PTBP2: variants seen among roughly 807,000 people sequenced by gnomAD.
The protein encoded by PTBP2 is polypyrimidine tract binding protein 2.
Under a neutral mutation model 61.4 loss-of-function variants are expected in PTBP2, and 13 were observed. That is an observed-to-expected ratio of 0.21 (90% CI 0.14 to 0.34). The LOEUF (loss-of-function observed/expected upper bound fraction) is 0.34. PTBP2 is among the 10% of genes least tolerant of loss of function. The pLI is 1.00. For missense variants in PTBP2, 405 were observed against 642.6 expected (o/e 0.63, Z 4.00); for synonymous variants, 215 against 218.5 (o/e 0.98, Z 0.14).
Position 96,763,589 on chromosome 1 carries a change from C to T in PTBP2, c.116-6114C>T, listed in dbSNP as rs796836453. Reference sequence around the variant, plus strand: ...TGTGGAAAGAGAGGGAGAGGGAGACCGTGGGGAGAGGAGGGAGGGGGAGGG... The same window carrying T: ...TGTGGAAAGAGAGGGAGAGGGAGACTGTGGGGAGAGGAGGGAGGGGGAGGG... On this transcript the variant is annotated intron_variant, in intron 3 of 13. Transcript: ENST00000674951. Among the ~76,000 whole-genome samples, 28 of 26,718 alleles carry T rather than the reference C, an allele frequency of 1.0e-3. No homozygotes were observed. The South Asian group carries it at 0.016, about 16-fold the overall frequency. 17.5% of individuals were successfully genotyped at this position (26,718 alleles called of 152,430 possible).
rs1451302782 is a variant in PTBP2 at position 96,782,100 on chromosome 1, A to T, written c.709-2959A>T. On this transcript the variant is annotated intron_variant, in intron 7 of 13. Transcript: ENST00000674951. The stretch of plus-strand genomic sequence containing the variant: ...TTACATAGTCCTTACATTATAACAC[A>T]CATAAGTAGGAAATGGTTCTTTTTG... Among the ~76,000 whole-genome samples, 46 of 151,996 alleles carry T rather than the reference A, an allele frequency of 3.0e-4. 1 individual carries two copies. Among genetic ancestry groups the T allele is most frequent in the Admixed American group, 3.0e-3 (46 of 15,258 alleles).
chr1:96,798,064 A>C (rs1432287386), intron 8 of PTBP2, among the ~76,000 whole-genome samples: 7 of 148,820 alleles, frequency 4.7e-5, no homozygotes, highest in Non-Finnish European at 7.4e-5. Flanking sequence ...CGACAGAGCG[A>C]GACTCTGTCT....
chr1:96,761,608 A>T (rs2100966723), intron 3 of PTBP2, among the ~76,000 whole-genome samples: 1 of 152,296 alleles, frequency 6.6e-6, no homozygotes, highest in South Asian at 2.1e-4. Context: ...ATAATATTAA[A>T]GAGTTTTGTC....
At chr1:96,727,364 T>C (rs1650720521) in intron 2 of PTBP2, among the ~76,000 whole-genome samples, 1 of 152,216 alleles carries the variant, frequency 6.6e-6, no homozygotes, top group South Asian at 2.1e-4. Context: ...AACATTACTG[T>C]ACAAGTCTTT....
rs762152365 is a variant in PTBP2, at chr1:96,726,074, C to CAAAAAAAAAAAAAAAAA, written c.39+2501_39+2517dup. 5.5e-5 allele frequency among the ~76,000 whole-genome samples: 3 copies of CAAAAAAAAAAAAAAAAA among 54,190 alleles called. 1 individual carries two copies. The highest frequency in any genetic ancestry group is 1.5e-4 in the African/African-American group (2 of 13,024). 35.6% of individuals were successfully genotyped at this position (54,190 alleles called of 152,430 possible). A position where few individuals can be genotyped will look rare whatever the true frequency, so the allele number is the denominator to read the frequency against. On this transcript the variant is annotated intron_variant, in intron 2 of 13. Coordinates refer to ENST00000674951, the MANE Select transcript of PTBP2 (RefSeq NM_021190.4). ...TGGGCGACAGAGACAGACTCTATCT[C>CAAAAAAAAAAAAAAAAA]AAAAAAAAAAAAAAAAAAAAAAAAA...
chr1:96,724,731 A>G (rs1293115565), intron 2 of PTBP2, among the ~76,000 whole-genome samples: 1 of 151,274 alleles, frequency 6.6e-6, no homozygotes, highest in Non-Finnish European at 1.5e-5. Context: ...GGGGAGGGAT[A>G]GCTTTAGGAG....
intron 2 of PTBP2, among the ~76,000 whole-genome samples, chr1:96,732,904 G>C (rs1279082236): frequency 6.6e-6 from 1 of 152,026 alleles, no homozygotes; most frequent in African/African-American, 2.4e-5. Flanking sequence ...TGGCAGATAG[G>C]TTATATAGAA....
chr1:96,741,002 T>C (rs941571027), intron 2 of PTBP2, among the ~76,000 whole-genome samples: 4 of 152,278 alleles, frequency 2.6e-5, no homozygotes, highest in East Asian at 1.9e-4. Context: ...TATTAACATA[T>C]TGCTTTCATA....
chr1:96,750,392 GTTTT>G (rs200064706), intron 2 of PTBP2, among the ~76,000 whole-genome samples: 1 of 145,778 alleles, frequency 6.9e-6, no homozygotes, highest in Non-Finnish European at 1.5e-5. Flanking sequence ...GTATTTTTCT[GTTTT>G]TTTTTTTCTT....
intron 3 of PTBP2, among the ~76,000 whole-genome samples, chr1:96,751,884 A>G (rs1344777194): frequency 6.6e-6 from 1 of 151,992 alleles, no homozygotes; most frequent in Non-Finnish European, 1.5e-5. Flanking sequence ...TTTTAAGTAA[A>G]AACCGAAGAA....
In PTBP2 at chr1:96,765,641, G is replaced by A. The variant is rs1437518115; in HGVS notation, c.116-4062G>A. Among the ~76,000 whole-genome samples the A allele has an allele frequency of 4.6e-5, 7 of 152,036 alleles. No homozygotes were observed. In the South Asian group the frequency reaches 1.0e-3, roughly 23 times the overall value. ...CACGAGAATCACTTAAACCTGGGAAGTGGAGGTTGTAGTCAACCAAGATCA... is the reference window on the plus strand; with the variant it reads ...CACGAGAATCACTTAAACCTGGGAAATGGAGGTTGTAGTCAACCAAGATCA... On this transcript the variant is annotated intron_variant, in intron 3 of 13. Coordinates refer to ENST00000674951, the MANE Select transcript of PTBP2 (RefSeq NM_021190.4).
At chr1:96,778,002 AAT>A (rs937192393) in intron 7 of PTBP2, 56 bp downstream of exon 7, 104 of 896,632 alleles carry the variant, frequency 1.2e-4, no homozygotes, top group South Asian at 3.6e-4. Context: ...TATGTAGAAA[AAT>A]ATATATATAT....
intron 9 of PTBP2, among the ~76,000 whole-genome samples, chr1:96,805,414 G>A (rs1461848565): frequency 6.6e-6 from 1 of 151,806 alleles, no homozygotes; most frequent in Non-Finnish European, 1.5e-5. Context: ...AGATCTTGAC[G>A]AGGCACTCTT....
At chr1:96,784,958 A>T in intron 7 of PTBP2, 101 bp from the exon 8 acceptor site, 1 of 971,988 alleles carries the variant, frequency 1.0e-6, no homozygotes, top group Non-Finnish European at 1.5e-6. Flanking sequence ...GGTAGCTTTT[A>T]AGTTCGAGTT....
At chr1:96,734,036 G>A (rs949514526) in intron 2 of PTBP2, among the ~76,000 whole-genome samples, 18 of 152,070 alleles carry the variant, frequency 1.2e-4, no homozygotes, top group African/African-American at 4.3e-4. Flanking sequence ...CTACATTAGG[G>A]GATAAGGTGG....
chr1:96,796,078 AT>A (rs2101127991), intron 8 of PTBP2, among the ~76,000 whole-genome samples: 1 of 152,280 alleles, frequency 6.6e-6, no homozygotes, highest in Non-Finnish European at 1.5e-5. Context: ...ACATGTTGGG[AT>A]TTAAATATTT....
chr1:96,822,621 A>G (rs1356162193), exon 14 of PTBP2: 2 of 152,248 alleles, frequency 1.3e-5, no homozygotes, highest in African/African-American at 4.8e-5. Flanking sequence ...ATAATTCCAA[A>G]AAATCATACA....
intron 2 of PTBP2, chr1:96,751,174 G>T: frequency 2.0e-6 from 1 of 509,800 alleles, no homozygotes; most frequent in Non-Finnish European, 3.5e-6. Context: ...TTTGCTTATA[G>T]AATCTAATCA....
chr1:96,729,604 A>G (rs1420623294), intron 2 of PTBP2, among the ~76,000 whole-genome samples: 1 of 152,124 alleles, frequency 6.6e-6, no homozygotes, highest in Non-Finnish European at 1.5e-5. Context: ...CTTATTTAAT[A>G]GATATAGGGC....
Sources: gnomAD v4.1 joint callset for allele counts (sites outside exome capture counted in the v4.1 genomes callset) on GRCh38, gnomAD v4.1.1 for gene constraint, MANE v1.5 for transcripts, NCBI Gene and HGNC (gene_info 2026-07-23, HGNC 2026-07-21) for gene names.